The following IGSF3 variants were observed in gnomAD, a reference collection of about 807,000 sequenced individuals.
IGSF3 encodes the protein immunoglobulin superfamily member 3.
Under a neutral mutation model 114.4 loss-of-function variants are expected in IGSF3, and 23 were observed. The ratio of observed to expected loss-of-function variants is 0.20; its 90% CI spans 0.14 to 0.28. The LOEUF (loss-of-function observed/expected upper bound fraction) is 0.28. Ranked by LOEUF, IGSF3 falls within the 10% of genes least tolerant of loss-of-function variation. The pLI, the probability that IGSF3 is intolerant of heterozygous loss-of-function variation, is 1.00. For synonymous variants in IGSF3, 571 were observed against 645.2 expected (o/e 0.88, Z 1.74); for missense variants, 1,172 against 1,591.5 (o/e 0.74, Z 4.48).
Position 116,616,152 on chromosome 1 carries a change from C to G in IGSF3, c.349G>C (p.Glu117Gln). ...GTGCTGGGTGTGTGGCATTCATACT[C>G]CCCGGCATCCCGGGCCTGAAGATCT... ...ITDLQARDAG[E>Q]YECHTPSTDK... Residue 117 changes from glutamate to glutamine, a missense_variant, in exon 3 of 11, where the codon GAG (glutamate) becomes CAG (glutamine). Around this residue, in one of 3 missense-constraint regions of IGSF3, gnomAD observed 736 missense variants for 1,042.0 expected, o/e 0.71. Coordinates refer to ENST00000369486, the MANE Select transcript of IGSF3 (RefSeq NM_001007237.3). This position sits in a 1 kb window ranked among gnomAD's most constrained non-coding sequence, Gnocchi z 6.6. 6.2e-7 allele frequency: 1 copy of G among 1,613,694 alleles called. No homozygotes were observed. Among genetic ancestry groups the G allele is most frequent in the Non-Finnish European group, 8.5e-7 (1 of 1,179,582 alleles).
At position 116,615,978 on chromosome 1, in the gene IGSF3, G is replaced by C; in HGVS notation, c.421+102C>G. The stretch of plus-strand genomic sequence containing the variant: ...ACCCCTAAAATATGTTGGGAGTTTT[G>C]GGATTTTTTTTAAAGTCAAATGCAT... On this transcript the variant is annotated intron_variant, in intron 3 of 10. Transcript: ENST00000369486. This position sits in a 1 kb window ranked among gnomAD's most constrained non-coding sequence, Gnocchi z 4.3. The C allele has an allele frequency of 1.1e-6, 1 of 938,114 alleles. No individual in the cohort carries two copies. Among genetic ancestry groups the C allele is most frequent in the Non-Finnish European group, 1.6e-6 (1 of 621,434 alleles). 58.1% of individuals were successfully genotyped at this position (938,114 alleles called of 1,614,324 possible). A position where few individuals can be genotyped will look rare whatever the true frequency, so the allele number is the denominator to read the frequency against.
At position 116,614,126 on chromosome 1, in the gene IGSF3, T is replaced by A; in HGVS notation, c.471A>T (p.Arg157Ser). The stretch of plus-strand genomic sequence containing the variant: ...TGAGCTCCAGCGGGTCCTGCTCCAC[T>A]CTGTGCAGAGTCTGGGGCATGGCAG... ...QTTAMPQTLH[R>S]VEQDPLELTC... Residue 157 changes from arginine (R) to serine (S), a missense_variant, in exon 4 of 11, where the codon AGA (arginine) becomes AGT (serine). Physicochemically the swap from Arg to Ser is moderately radical, Grantham distance 110. Coordinates refer to ENST00000369486, the MANE Select transcript of IGSF3 (RefSeq NM_001007237.3). The surrounding 1 kb of genome is among the most constrained non-coding windows in gnomAD (Gnocchi z 4.5). 6.2e-7 allele frequency: 1 copy of A among 1,613,796 alleles called. No individual in the cohort carries two copies. The highest frequency in any genetic ancestry group is 8.5e-7 in the Non-Finnish European group (1 of 1,179,960).
rs193218179 is a variant in IGSF3 at position 116,588,677 on chromosome 1, G to A, written c.2440+17C>T. 0.029 allele frequency: 42,539 copies of A among 1,477,628 alleles called. 798 individuals carry two copies. Among genetic ancestry groups the A allele is most frequent in the Non-Finnish European group, 0.033 (35,731 of 1,091,138 alleles). The allele number at this position is 1,477,628 out of a possible 1,614,324, so 91.5% of individuals were successfully genotyped here. A position where few individuals can be genotyped will look rare whatever the true frequency, so the allele number is the denominator to read the frequency against. On this transcript the variant is annotated intron_variant, in intron 8 of 10. Coordinates refer to ENST00000369486, the MANE Select transcript of IGSF3 (RefSeq NM_001007237.3). The surrounding 1 kb of genome is among the most constrained non-coding windows in gnomAD (Gnocchi z 4.9). ...CTAAACCCACTGGCCCAGGACAGCCGTGCCCTGCGGCCTTACCTGGCTGTT... is the reference window on the plus strand; with the variant it reads ...CTAAACCCACTGGCCCAGGACAGCCATGCCCTGCGGCCTTACCTGGCTGTT...
chr1:116,577,199 A>G lies in IGSF3; in HGVS notation c.*113T>C. Reference sequence around the variant, plus strand: ...GAACTTGGAACACTTTTCAAGTCTGACAACTTTCCACACACATGCACCCCA... The same window carrying G: ...GAACTTGGAACACTTTTCAAGTCTGGCAACTTTCCACACACATGCACCCCA... On this transcript the variant is annotated 3_prime_UTR_variant, in exon 11 of 11. Coordinates refer to ENST00000369486, the MANE Select transcript of IGSF3 (RefSeq NM_001007237.3). This position sits in a 1 kb window ranked among gnomAD's most constrained non-coding sequence, Gnocchi z 5.7. 1 of 1,216,602 alleles carries G rather than the reference A, an allele frequency of 8.2e-7. No individual in the cohort carries two copies. Among genetic ancestry groups the G allele is most frequent in the Non-Finnish European group, 1.1e-6 (1 of 879,322 alleles). 75.4% of individuals were successfully genotyped at this position (1,216,602 alleles called of 1,614,324 possible).
intron 8 of IGSF3, among the ~76,000 whole-genome samples, chr1:116,587,614 G>A (rs1291130505): frequency 6.6e-6 from 1 of 152,212 alleles, no homozygotes; most frequent in Non-Finnish European, 1.5e-5. Context: ...TGCTTACAGA[G>A]TAGTACAGAA....
At position 116,608,212 on chromosome 1, in the gene IGSF3, A is replaced by G; in HGVS notation, c.952T>C (p.Trp318Arg). The change falls in exon 5 of 11, where the codon TGG becomes CGG. Residue 318 changes from tryptophan to arginine, a missense_variant. Transcript: ENST00000369486. ...NVPDRYFAVS[W>R]AFNSSLIATM... ...GCGATGAGCGAGCTGTTGAAGGCCCAGGAGACAGCAAAGTAACGGTCGGGA... is the reference window on the plus strand; with the variant it reads ...GCGATGAGCGAGCTGTTGAAGGCCCGGGAGACAGCAAAGTAACGGTCGGGA... 6.2e-7 allele frequency: 1 copy of G among 1,610,162 alleles called. No homozygotes were observed. Among genetic ancestry groups the G allele is most frequent in the Non-Finnish European group, 8.5e-7 (1 of 1,176,878 alleles).
chr1:116,603,657 G>A lies in IGSF3; in HGVS notation c.1591C>T (p.Arg531Trp), dbSNP rs753330771. 1.8e-5 allele frequency: 29 copies of A among 1,613,562 alleles called. No homozygotes were observed. The highest frequency in any genetic ancestry group is 1.5e-4 in the Admixed American group (9 of 59,986). ...GTGATGGAGATGGGAGTGCTGGCCC[G>A]GCGCTCCCCAACAATCTGCCACTCG... ...DGEWQIVGERRASTPISITAL... is the reference protein window; with the variant it reads ...DGEWQIVGERWASTPISITAL... The change falls in exon 6 of 11, where the codon CGG becomes TGG. Residue 531 changes from arginine to tryptophan, a missense_variant. Physicochemically the swap from Arg to Trp is moderately radical, Grantham distance 101. Around this residue, in one of 3 missense-constraint regions of IGSF3, gnomAD observed 736 missense variants for 1,042.0 expected, o/e 0.71. Transcript: ENST00000369486. The surrounding 1 kb of genome is among the most constrained non-coding windows in gnomAD (Gnocchi z 7.1).
In IGSF3 at chr1:116,666,269, A is replaced by G. The variant is rs777356992; in HGVS notation, c.43+15T>C. 1.2e-6 allele frequency: 2 copies of G among 1,612,892 alleles called. No individual in the cohort carries two copies. Among genetic ancestry groups the G allele is most frequent in the African/African-American group, 2.7e-5 (2 of 74,904 alleles). ...AACTTTCACATCGATTGCACTGATAAGCAGAGCCACTTACCCAGCACAGCC... is the reference window on the plus strand; with the variant it reads ...AACTTTCACATCGATTGCACTGATAGGCAGAGCCACTTACCCAGCACAGCC... On this transcript the variant is annotated intron_variant, in intron 2 of 10. Coordinates refer to ENST00000369486, the MANE Select transcript of IGSF3 (RefSeq NM_001007237.3).
chr1:116,638,922 A>G lies in IGSF3; in HGVS notation c.44-22465T>C, dbSNP rs1394887056. On this transcript the variant is annotated intron_variant, in intron 2 of 10. Coordinates refer to ENST00000369486, the MANE Select transcript of IGSF3 (RefSeq NM_001007237.3). The surrounding 1 kb of genome is among the most constrained non-coding windows in gnomAD (Gnocchi z 4.1). ...AGGGTCACGTGCAAAGTCTGCATGC[A>G]TGCTGAACCATTCCAGCTGCGCCAC... is the stretch of plus-strand genomic sequence containing the variant. Among the ~76,000 whole-genome samples, 2 of 152,334 alleles carry G rather than the reference A, an allele frequency of 1.3e-5. No individual in the cohort carries two copies. Among genetic ancestry groups the G allele is most frequent in the African/African-American group, 4.8e-5 (2 of 41,584 alleles).
chr1:116,612,737 A>G lies in IGSF3; in HGVS notation c.832+1028T>C, dbSNP rs1392534148. Among the ~76,000 whole-genome samples, 2 of 152,234 alleles carry G rather than the reference A, an allele frequency of 1.3e-5. No homozygotes were observed. The highest frequency in any genetic ancestry group is 1.9e-4 in the East Asian group (1 of 5,194). On this transcript the variant is annotated intron_variant, in intron 4 of 10. Transcript: ENST00000369486. This position sits in a 1 kb window ranked among gnomAD's most constrained non-coding sequence, Gnocchi z 4.1. ...CCTCACCAGAAGTGAGCTTCCGCAC[A>G]AGGAAAGGCTTTCAGGCCACTCATC...
At chr1:116,578,313 T>G (rs1228571560) in intron 10 of IGSF3, among the ~76,000 whole-genome samples, 5 of 152,236 alleles carry the variant, frequency 3.3e-5, no homozygotes, top group Non-Finnish European at 5.9e-5. Flanking sequence ...AGGTAAAATG[T>G]TGCCTAGACT....
At position 116,579,454 on chromosome 1, in the gene IGSF3, TTC is replaced by T; in HGVS notation, c.3270_3271del (p.Lys1091GlyfsTer68). 1 of 1,612,698 alleles carries T rather than the reference TTC, an allele frequency of 6.2e-7. No homozygotes were observed. Among genetic ancestry groups the T allele is most frequent in the Non-Finnish European group, 8.5e-7 (1 of 1,179,300 alleles). On this transcript the variant is annotated frameshift_variant, in exon 10 of 11. Coordinates refer to ENST00000369486, the MANE Select transcript of IGSF3 (RefSeq NM_001007237.3). LOFTEE classifies it high-confidence loss of function. The surrounding 1 kb of genome is among the most constrained non-coding windows in gnomAD (Gnocchi z 6.4). Reference sequence around the variant, plus strand: ...CTCCTCCGTCAGCCGGTACCATTCCTTCTGAGGGCTGGGCAGCCACTCCTCCA... The same window carrying T: ...CTCCTCCGTCAGCCGGTACCATTCCTTGAGGGCTGGGCAGCCACTCCTCCA...
At chr1:116,606,528 G>A in intron 5 of IGSF3, 1 of 1,127,810 alleles carries the variant, frequency 8.9e-7, no homozygotes, top group Non-Finnish European at 1.4e-6. Flanking sequence ...TGGTGCTGGG[G>A]GACTTTAACT....
At chr1:116,619,183 G>GT (rs1257283357) in intron 2 of IGSF3, among the ~76,000 whole-genome samples, 2 of 152,184 alleles carry the variant, frequency 1.3e-5, no homozygotes, top group Non-Finnish European at 2.9e-5. Flanking sequence ...ACTGGTTCAA[G>GT]AAAGCTTCAT....
chr1:116,658,707 T>C (rs1648982398), intron 2 of IGSF3, among the ~76,000 whole-genome samples: 1 of 152,112 alleles, frequency 6.6e-6, no homozygotes, highest in Non-Finnish European at 1.5e-5. Flanking sequence ...TTCCAGCCCT[T>C]CCAAAAGGCC....
Position 116,588,261 on chromosome 1 carries a change from G to A in IGSF3, c.2440+433C>T, listed in dbSNP as rs1429662421. On this transcript the variant is annotated intron_variant, in intron 8 of 10. Coordinates refer to ENST00000369486, the MANE Select transcript of IGSF3 (RefSeq NM_001007237.3). The surrounding 1 kb of genome is among the most constrained non-coding windows in gnomAD (Gnocchi z 4.9). The stretch of plus-strand genomic sequence containing the variant: ...AAAGGCTTGTCTGGGCGGGCTGGGA[G>A]CTAAGGAAGAAGGGGGATGCAGATG... Among the ~76,000 whole-genome samples the A allele has an allele frequency of 4.6e-5, 7 of 152,180 alleles. No homozygotes were observed. Among genetic ancestry groups the A allele is most frequent in the African/African-American group, 1.4e-4 (6 of 41,442 alleles).
chr1:116,635,944 C>A (rs1001345104), intron 2 of IGSF3, among the ~76,000 whole-genome samples: 1 of 152,222 alleles, frequency 6.6e-6, no homozygotes, highest in African/African-American at 2.4e-5. Flanking sequence ...TAAGTCAAAT[C>A]CTTAACTCAT....
rs1649302883 is a variant in IGSF3, at chr1:116,665,716, C to T, written c.43+568G>A. The stretch of plus-strand genomic sequence containing the variant: ...TCAGGCTCTCCTTCTCCCAGAACTA[C>T]GATCTAAGCTTCCTTGGTGAGGAGA... On this transcript the variant is annotated intron_variant, in intron 2 of 10. Coordinates refer to ENST00000369486, the MANE Select transcript of IGSF3 (RefSeq NM_001007237.3). The surrounding 1 kb of genome is among the most constrained non-coding windows in gnomAD (Gnocchi z 4.0). Among the ~76,000 whole-genome samples the T allele has an allele frequency of 1.3e-5, 2 of 152,164 alleles. No homozygotes were observed. Among genetic ancestry groups the T allele is most frequent in the Admixed American group, 1.3e-4 (2 of 15,278 alleles).
At position 116,625,616 on chromosome 1, in the gene IGSF3, TGGA is replaced by T. The variant is rs762427608; in HGVS notation, c.44-9162_44-9160del. Among the ~76,000 whole-genome samples the T allele has an allele frequency of 2.6e-5, 4 of 152,124 alleles. No homozygotes were observed. Among genetic ancestry groups the T allele is most frequent in the Non-Finnish European group, 5.9e-5 (4 of 68,016 alleles). ...TTCGAATTATCACTCTGGTGGCAGG[TGGA>T]GGACAGAGCAGAGGGCAGGACTGGA... On this transcript the variant is annotated intron_variant, in intron 2 of 10. Transcript: ENST00000369486. This position sits in a 1 kb window ranked among gnomAD's most constrained non-coding sequence, Gnocchi z 4.7.
Sources: gnomAD v4.1 joint callset for allele counts (sites outside exome capture counted in the v4.1 genomes callset) on GRCh38, gnomAD v4.1.1 for gene constraint, gnomAD v4.1.1 regional missense constraint, Gnocchi (gnomAD v3.1) non-coding constraint, MANE v1.5 for transcripts, NCBI Gene and HGNC (gene_info 2026-07-23, HGNC 2026-07-21) for gene names.